Variants in SLC7A2 observed in about 807,000 individuals in gnomAD.
The protein encoded by SLC7A2 is solute carrier family 7 member 2, also known as cationic amino acid transporter 2.
SLC7A2 carries 48 observed loss-of-function variants against 58.9 expected under a neutral mutation model. The observed-to-expected ratio is 0.82, with a 90% CI of 0.65 to 1.04. The LOEUF (loss-of-function observed/expected upper bound fraction) is 1.04. Ranked by LOEUF, SLC7A2 falls within the 50% of genes least tolerant of loss-of-function variation. The pLI is 0.00. For missense variants in SLC7A2, 1,029 were observed against 818.8 expected (o/e 1.26, Z -3.13); for synonymous variants, 363 against 314.5 (o/e 1.15, Z -1.63).
At chr8:17,517,993 A>AAG (rs1409509985) in intron 2 of SLC7A2, among the ~76,000 whole-genome samples, 2 of 152,236 alleles carry the variant, frequency 1.3e-5, no homozygotes, top group Non-Finnish European at 2.9e-5. Context: ...TCATCATGCA[A>AAG]AGATAGGACA....
At chr8:17,560,288 C>A (rs931643392) in intron 9 of SLC7A2, 40 bp from the exon 10 acceptor site, 1 of 1,525,700 alleles carries the variant, frequency 6.6e-7, no homozygotes, top group Non-Finnish European at 9.1e-7. Flanking sequence ...GGCCAAATGT[C>A]TATTTGAGAA....
intron 2 of SLC7A2, among the ~76,000 whole-genome samples, chr8:17,530,413 T>C (rs1280447528): frequency 6.6e-6 from 1 of 152,010 alleles, no homozygotes. Flanking sequence ...CTAAGGGTAG[T>C]AGGAGGACAA....
At chr8:17,534,887 A>G (rs1027798902) in intron 2 of SLC7A2, among the ~76,000 whole-genome samples, 1 of 152,036 alleles carries the variant, frequency 6.6e-6, no homozygotes, top group Non-Finnish European at 1.5e-5. Flanking sequence ...CTTCCCACTC[A>G]TCCTCTTCCT....
intron 2 of SLC7A2, among the ~76,000 whole-genome samples, chr8:17,533,566 C>G (rs562163880): frequency 6.6e-6 from 1 of 152,282 alleles, no homozygotes; most frequent in Admixed American, 6.5e-5. Flanking sequence ...AAGGGATACA[C>G]TTTGGCTCTC....
In SLC7A2 at chr8:17,560,349, C is replaced by T. The variant is rs376626843; in HGVS notation, c.1320C>T (p.Tyr440=). The change falls in exon 10 of 13, where the codon TAC becomes TAT. Residue 440 remains tyrosine (Y), a synonymous_variant. Transcript: ENST00000494857. ...ATAGGTACCAGCCTGGCTTATCTTA[C>T]GACCAGCCCAAATGTTCTCCTGAGA... is the stretch of plus-strand genomic sequence containing the variant. ...LILRYQPGLS[Y]DQPKCSPEKD... 1.7e-5 allele frequency: 27 copies of T among 1,613,748 alleles called. No individual in the cohort carries two copies. The highest frequency in any genetic ancestry group is 1.1e-4 in the East Asian group (5 of 44,886).
Position 17,551,799 on chromosome 8 carries a change from A to G in SLC7A2, c.868A>G (p.Ile290Val), listed in dbSNP as rs775708590. 1.9e-6 allele frequency: 3 copies of G among 1,613,906 alleles called. No individual in the cohort carries two copies. Among genetic ancestry groups the G allele is most frequent in the African/African-American group, 2.7e-5 (2 of 74,970 alleles). ...TCGGAATCCCCAGAAAGCTATTCCC[A>G]TTGGAATTGTGACGTCTTTGCTTGT... ...EVRNPQKAIP[I>V]GIVTSLLVCF... is the part of the protein sequence containing the mutation. The change falls in exon 7 of 13, where the codon ATT becomes GTT. Residue 290 changes from isoleucine (I) to valine (V), a missense_variant. By Grantham distance (29) the Ile-to-Val change is conservative (BLOSUM62 3). Coordinates refer to ENST00000494857, the MANE Select transcript of SLC7A2 (RefSeq NM_001370338.1).
chr8:17,495,780 C>A (rs973632236), upstream of SLC7A2, among the ~76,000 whole-genome samples: 4 of 152,194 alleles, frequency 2.6e-5, no homozygotes, highest in Admixed American at 2.0e-4. Context: ...GAACTCCTGA[C>A]CTCAGGTGAT....
intron 7 of SLC7A2, among the ~76,000 whole-genome samples, chr8:17,552,932 C>A (rs1182823390): frequency 6.6e-6 from 1 of 152,200 alleles, no homozygotes; most frequent in Non-Finnish European, 1.5e-5. Context: ...AAAAAGAAGT[C>A]TTTTAGTGTA....
chr8:17,523,847 T>C (rs1252037153), intron 2 of SLC7A2, among the ~76,000 whole-genome samples: 2 of 151,972 alleles, frequency 1.3e-5, no homozygotes, highest in East Asian at 3.9e-4. Flanking sequence ...GGGAGAAAAC[T>C]TTCACAGTCT....
chr8:17,548,017 A>G (rs1029040498), intron 4 of SLC7A2, among the ~76,000 whole-genome samples: 7 of 152,218 alleles, frequency 4.6e-5, no homozygotes, highest in Non-Finnish European at 8.8e-5. Context: ...TGCATGGCAG[A>G]CAAATGTTTT....
rs1803313271 is a variant in SLC7A2 at position 17,567,396 on chromosome 8, A to G, written c.*2250A>G. 2 of 152,666 alleles carry G rather than the reference A, an allele frequency of 1.3e-5. No individual in the cohort carries two copies. The highest frequency in any genetic ancestry group is 2.1e-4 in the South Asian group (1 of 4,836). The allele number at this position is 152,666 out of a possible 1,614,324, so 9.5% of individuals were successfully genotyped here. A position where few individuals can be genotyped will look rare whatever the true frequency, so the allele number is the denominator to read the frequency against. On this transcript the variant is annotated 3_prime_UTR_variant, in exon 13 of 13. Transcript: ENST00000494857. ...AAAACTGTTATGCCCACTGTGCTCA[A>G]TTTGAAGCAGAATTTAGTGAAAAAT...
chr8:17,530,601 C>T (rs1000344673), intron 2 of SLC7A2, among the ~76,000 whole-genome samples: 1 of 147,778 alleles, frequency 6.8e-6, no homozygotes, highest in Non-Finnish European at 1.5e-5. Flanking sequence ...GAGACAGGGT[C>T]TCTCTCTGAC....
At chr8:17,514,538 A>G (rs751643060) in intron 2 of SLC7A2, among the ~76,000 whole-genome samples, 4 of 152,206 alleles carry the variant, frequency 2.6e-5, no homozygotes, top group Non-Finnish European at 4.4e-5. Context: ...CTGGAAGCTA[A>G]TTCTAGAATA....
intron 2 of SLC7A2, among the ~76,000 whole-genome samples, chr8:17,523,479 T>A (rs1391493056): frequency 6.6e-6 from 1 of 152,134 alleles, no homozygotes; most frequent in East Asian, 1.9e-4. Context: ...AGCCAACTAA[T>A]CTTCAACAAA....
At chr8:17,505,274 C>T (rs1800319475) in intron 2 of SLC7A2, among the ~76,000 whole-genome samples, 1 of 152,126 alleles carries the variant, frequency 6.6e-6, no homozygotes, top group Admixed American at 6.5e-5. Flanking sequence ...ATGCAGAAAC[C>T]ATTTCAACTT....
chr8:17,537,464 G>A (rs1020992180), intron 2 of SLC7A2, among the ~76,000 whole-genome samples: 1 of 152,146 alleles, frequency 6.6e-6, no homozygotes, highest in African/African-American at 2.4e-5. Context: ...TAATCATTTT[G>A]TTCGTAAGAG....
rs191178221 is a variant in SLC7A2, at chr8:17,554,270, A to G, written c.1056-290A>G. 1.9e-3 allele frequency among the ~76,000 whole-genome samples: 292 copies of G among 152,290 alleles called. 1 individual carries two copies. The highest frequency in any genetic ancestry group is 6.0e-3 in the African/African-American group (248 of 41,580). On this transcript the variant is annotated intron_variant, in intron 7 of 12. Transcript: ENST00000494857. ...CTTAATTATTTAGTTTTAATTTGGT[A>G]ATAATTGTGGGTACACACAAATTAC...
chr8:17,536,731 A>T (rs867309452), intron 2 of SLC7A2, among the ~76,000 whole-genome samples: 26 of 152,228 alleles, frequency 1.7e-4, no homozygotes, highest in Admixed American at 2.6e-4. Flanking sequence ...AGGAATTCCC[A>T]GGAAATGTAG....
At chr8:17,523,790 C>T (rs1382434940) in intron 2 of SLC7A2, among the ~76,000 whole-genome samples, 2 of 152,040 alleles carry the variant, frequency 1.3e-5, no homozygotes, top group African/African-American at 2.4e-5. Flanking sequence ...AAAGCTTCTC[C>T]ACAGCAAAAG....
Sources: allele counts gnomAD v4.1 joint callset (sites outside exome capture counted in the v4.1 genomes callset), GRCh38; gene constraint gnomAD v4.1.1; transcripts MANE v1.5; gene names NCBI Gene and HGNC (gene_info 2026-07-23, HGNC 2026-07-21).